The following NXPE2 variants were observed in gnomAD, a reference collection of about 807,000 sequenced individuals.
NXPE2 encodes NXPE family member 2.
In NXPE2, 34 loss-of-function variants were observed where a neutral mutation model predicts 34.4. That is an observed-to-expected ratio of 0.99 (90% CI 0.75 to 1.31). The LOEUF (loss-of-function observed/expected upper bound fraction) is 1.31. NXPE2 is among the 40% of genes most tolerant of loss of function. The probability of loss-of-function intolerance (pLI) is 0.00; values close to 1 mark genes in which losing one functional copy is unlikely to be tolerated. For missense variants in NXPE2, 649 were observed against 672.5 expected (o/e 0.97, Z 0.39); for synonymous variants, 235 against 231.3 (o/e 1.02, Z -0.15).
chr11:114,480,098 G>A, the NXPE2 span, among the ~76,000 whole-genome samples: 1 of 152,104 alleles, frequency 6.6e-6, no homozygotes. Flanking sequence ...TTCCCACTAG[G>A]CCTCATCTCC....
the NXPE2 span, among the ~76,000 whole-genome samples, chr11:114,752,260 G>A: frequency 2.6e-5 from 4 of 152,242 alleles, no homozygotes; most frequent in African/African-American, 9.6e-5. Context: ...CAGTATGGCT[G>A]AAGCCAAATG....
the NXPE2 span, among the ~76,000 whole-genome samples, chr11:114,549,189 G>T: frequency 1.3e-5 from 2 of 151,862 alleles, no homozygotes; most frequent in African/African-American, 2.4e-5. Flanking sequence ...AAACTTTAAA[G>T]ATCAGTCAAT....
At chr11:114,554,510 G>T in the NXPE2 span, 2 of 400,384 alleles carry the variant, frequency 5.0e-6, no homozygotes, top group Non-Finnish European at 6.8e-6. Context: ...TATAACAAAA[G>T]CCAATTATAC....
At chr11:114,689,928 G>A (rs530243459) in intron 2 of NXPE2, among the ~76,000 whole-genome samples, 11 of 151,770 alleles carry the variant, frequency 7.2e-5, no homozygotes, top group African/African-American at 1.9e-4. Context: ...CTCTTTTTCC[G>A]TTTGTGTCAT....
In NXPE2 at chr11:114,706,427, A is replaced by T. The variant is rs1334437841; in HGVS notation, c.1177A>T (p.Ile393Phe). The T allele has an allele frequency of 1.9e-6, 3 of 1,548,790 alleles. No individual in the cohort carries two copies. In the South Asian group the frequency reaches 3.6e-5, roughly 19 times the overall value. The change falls in exon 6 of 6, where the codon ATC (isoleucine) becomes TTC (phenylalanine). Residue 393 changes from isoleucine (I) to phenylalanine (F), a missense_variant. Physicochemically the swap from Ile to Phe is conservative, Grantham distance 21 (BLOSUM62 0). Transcript: ENST00000389586. ...LKYFDHHGAGIFKTHVLLDVE... is the reference protein window; with the variant it reads ...LKYFDHHGAGFFKTHVLLDVE... Reference sequence around the variant, plus strand: ...ATATTTTGATCATCATGGAGCTGGGATCTTTAAAACACATGTTCTTCTGGA... The same window carrying T: ...ATATTTTGATCATCATGGAGCTGGGTTCTTTAAAACACATGTTCTTCTGGA...
chr11:114,776,101 A>G, the NXPE2 span, among the ~76,000 whole-genome samples: 1 of 152,154 alleles, frequency 6.6e-6, no homozygotes, highest in Non-Finnish European at 1.5e-5. Context: ...CTGCTAGGAG[A>G]CAGCTTGGGA....
chr11:114,612,231 C>T, the NXPE2 span, among the ~76,000 whole-genome samples: 2 of 151,926 alleles, frequency 1.3e-5, no homozygotes, highest in African/African-American at 4.8e-5. Flanking sequence ...TCTATGGTAA[C>T]CACTGTTACA....
At chr11:114,797,128 G>A in the NXPE2 span, among the ~76,000 whole-genome samples, 273 of 152,212 alleles carry the variant, frequency 1.8e-3, 2 homozygotes, top group Middle Eastern at 6.8e-3. Flanking sequence ...CATGACTCAC[G>A]GTGTATTAAA....
chr11:114,574,531 C>A, the NXPE2 span, among the ~76,000 whole-genome samples: 1 of 151,940 alleles, frequency 6.6e-6, no homozygotes, highest in Non-Finnish European at 1.5e-5. Context: ...ACAACTGATA[C>A]CACAGAAATA....
the NXPE2 span, among the ~76,000 whole-genome samples, chr11:114,803,572 C>CTT: frequency 7.6e-6 from 1 of 131,656 alleles, no homozygotes; most frequent in Non-Finnish European, 1.6e-5. Context: ...TCCCTCAGGT[C>CTT]TCTCTCTCTC....
the NXPE2 span, among the ~76,000 whole-genome samples, chr11:114,543,103 G>T: frequency 3.3e-5 from 5 of 152,014 alleles, no homozygotes; most frequent in Admixed American, 3.3e-4. Flanking sequence ...AATACATAAA[G>T]AAATCACTTT....
At chr11:114,514,042 G>A in the NXPE2 span, among the ~76,000 whole-genome samples, 5 of 152,218 alleles carry the variant, frequency 3.3e-5, no homozygotes, top group Non-Finnish European at 5.9e-5. Context: ...TACCTTTCTA[G>A]AGTCTATGTG....
chr11:114,529,559 C>CG, the NXPE2 span: 1 of 151,796 alleles, frequency 6.6e-6, no homozygotes, highest in African/African-American at 2.4e-5. Context: ...GCCTGTTGAA[C>CG]CAGGGGTTTG....
chr11:114,569,689 G>A, the NXPE2 span, among the ~76,000 whole-genome samples: 1 of 152,154 alleles, frequency 6.6e-6, no homozygotes, highest in Non-Finnish European at 1.5e-5. Context: ...GTGTAGTGGT[G>A]TGCCACTGCA....
At chr11:114,806,841 C>T in the NXPE2 span, among the ~76,000 whole-genome samples, 168 of 151,860 alleles carry the variant, frequency 1.1e-3, no homozygotes, top group African/African-American at 3.3e-3. Context: ...ATACAGAGAA[C>T]GCCACAAAGA....
the NXPE2 span, among the ~76,000 whole-genome samples, chr11:114,600,591 A>G: frequency 3.3e-5 from 5 of 152,128 alleles, no homozygotes; most frequent in African/African-American, 9.7e-5. Flanking sequence ...CACAATCATG[A>G]AAAACCATGT....
the NXPE2 span, among the ~76,000 whole-genome samples, chr11:114,617,946 C>T: frequency 6.6e-6 from 1 of 151,908 alleles, no homozygotes; most frequent in Non-Finnish European, 1.5e-5. Flanking sequence ...ATAAGTATTG[C>T]CTCGTGGGAA....
At chr11:114,631,002 A>G in the NXPE2 span, among the ~76,000 whole-genome samples, 1 of 151,120 alleles carries the variant, frequency 6.6e-6, no homozygotes, top group African/African-American at 2.4e-5. Flanking sequence ...TAGAATGGCA[A>G]TCATTAAAAA....
chr11:114,803,829 C>T, the NXPE2 span, among the ~76,000 whole-genome samples: 5 of 152,198 alleles, frequency 3.3e-5, no homozygotes, highest in South Asian at 4.2e-4. Context: ...CCGCCCACCT[C>T]GGCCTCCCAA....
Sources: gnomAD v4.1 joint callset for allele counts (sites outside exome capture counted in the v4.1 genomes callset) on GRCh38, gnomAD v4.1.1 for gene constraint, MANE v1.5 for transcripts, NCBI Gene and HGNC (gene_info 2026-07-23, HGNC 2026-07-21) for gene names.